KSR2: variants seen among roughly 807,000 people sequenced by gnomAD.
KSR2 encodes kinase suppressor of ras 2.
Under a neutral mutation model 107.8 loss-of-function variants are expected in KSR2, and 25 were observed. The observed-to-expected ratio is 0.23, with a 90% CI of 0.17 to 0.32. The LOEUF (loss-of-function observed/expected upper bound fraction) is 0.32, where lower values mean the gene tolerates loss of function less well. Among genes scored for constraint, KSR2 ranks in the 10% least tolerant of loss-of-function variants. The pLI is 1.00. For synonymous variants in KSR2, 480 were observed against 507.0 expected (o/e 0.95, Z 0.71); for missense variants, 887 against 1,268.9 (o/e 0.70, Z 4.57).
At chr12:117,673,795 C>T (rs1481801454) in intron 4 of KSR2, among the ~76,000 whole-genome samples, 2 of 152,174 alleles carry the variant, frequency 1.3e-5, no homozygotes, top group African/African-American at 4.8e-5. Context: ...AACATTCTTT[C>T]CCGTGATCTT....
intron 3 of KSR2, among the ~76,000 whole-genome samples, chr12:117,791,193 G>A (rs1233114788): frequency 3.9e-5 from 6 of 151,982 alleles, no homozygotes; most frequent in Admixed American, 6.5e-5. Context: ...TCACCCCAGG[G>A]CCTTGTCACT....
At chr12:117,633,985 G>A (rs778794441) in intron 5 of KSR2, among the ~76,000 whole-genome samples, 8 of 152,126 alleles carry the variant, frequency 5.3e-5, no homozygotes, top group Non-Finnish European at 1.0e-4. Context: ...CATAATTTTG[G>A]AACTATCTGG....
At chr12:117,809,462 G>A (rs1423253468) in intron 3 of KSR2, among the ~76,000 whole-genome samples, 3 of 152,152 alleles carry the variant, frequency 2.0e-5, no homozygotes, top group Admixed American at 6.5e-5. Flanking sequence ...ATGTCCACGG[G>A]AGCAGAAGAG....
chr12:117,816,279 A>C (rs1891366391), intron 3 of KSR2, among the ~76,000 whole-genome samples: 1 of 152,152 alleles, frequency 6.6e-6, no homozygotes, highest in Non-Finnish European at 1.5e-5. Flanking sequence ...AGCCACCTGG[A>C]GTTCTGCAGA....
rs144760574 is a variant in KSR2, at chr12:117,802,329, C to T, written c.473-40805G>A. 5.3e-3 allele frequency among the ~76,000 whole-genome samples: 806 copies of T among 152,190 alleles called. 8 individuals carry two copies. Among genetic ancestry groups the T allele is most frequent in the African/African-American group, 0.018 (747 of 41,528 alleles). On this transcript the variant is annotated intron_variant, in intron 3 of 19. Transcript: ENST00000339824. ...AGGACCTCTGGGATGACTTTGAGCACGGCTAGATCATCCATGATAATCTCC... is the reference window on the plus strand; with the variant it reads ...AGGACCTCTGGGATGACTTTGAGCATGGCTAGATCATCCATGATAATCTCC...
At chr12:117,557,031 G>T (rs564601574) in intron 8 of KSR2, among the ~76,000 whole-genome samples, 1 of 152,250 alleles carries the variant, frequency 6.6e-6, no homozygotes, top group Admixed American at 6.5e-5. Flanking sequence ...TGGGTATGGT[G>T]GTGGGTGCCC....
chr12:117,731,475 G>A (rs903274921), intron 4 of KSR2, among the ~76,000 whole-genome samples: 6 of 146,868 alleles, frequency 4.1e-5, no homozygotes, highest in African/African-American at 1.0e-4. Context: ...GCCTCTGCCC[G>A]GCCGCCCCAT....
chr12:117,672,237 T>C (rs1884941904), intron 4 of KSR2, among the ~76,000 whole-genome samples: 1 of 152,224 alleles, frequency 6.6e-6, no homozygotes, highest in African/African-American at 2.4e-5. Flanking sequence ...CAAATGACTG[T>C]TCCTAATGAC....
intron 14 of KSR2, among the ~76,000 whole-genome samples, chr12:117,513,774 T>A (rs556415455): frequency 6.6e-6 from 1 of 152,308 alleles, no homozygotes; most frequent in South Asian, 2.1e-4. Flanking sequence ...TCAGTATGAA[T>A]CAGACAGTCT....
At chr12:117,484,007 A>G (rs1051995185) in intron 16 of KSR2, among the ~76,000 whole-genome samples, 3 of 152,218 alleles carry the variant, frequency 2.0e-5, no homozygotes, top group Non-Finnish European at 4.4e-5. Flanking sequence ...GGTGCCTCTG[A>G]CTTTAAATCT....
At chr12:117,634,063 T>C (rs894909687) in intron 5 of KSR2, among the ~76,000 whole-genome samples, 5 of 152,186 alleles carry the variant, frequency 3.3e-5, no homozygotes, top group South Asian at 2.1e-4. Context: ...CTGTCTTACA[T>C]ACCCAGAGCC....
intron 3 of KSR2, among the ~76,000 whole-genome samples, chr12:117,841,804 CT>C (rs1187713258): frequency 6.6e-6 from 1 of 152,348 alleles, no homozygotes; most frequent in East Asian, 1.9e-4. Context: ...AGGGCTCTAC[CT>C]TTCTGAGCCT....
intron 4 of KSR2, among the ~76,000 whole-genome samples, chr12:117,697,057 AT>A (rs1426073587): frequency 1.3e-5 from 2 of 152,176 alleles, no homozygotes; most frequent in Non-Finnish European, 2.9e-5. Flanking sequence ...GCCTTTAACC[AT>A]TTTGCGGACG....
At chr12:117,889,969 A>C (rs1280757288) in intron 1 of KSR2, among the ~76,000 whole-genome samples, 1 of 152,188 alleles carries the variant, frequency 6.6e-6, no homozygotes, top group African/African-American at 2.4e-5. Context: ...CTCAAACTTG[A>C]GCATGCATTA....
At chr12:117,947,236 AG>A (rs1566094666) in intron 1 of KSR2, among the ~76,000 whole-genome samples, 13 of 121,516 alleles carry the variant, frequency 1.1e-4, no homozygotes, top group Non-Finnish European at 1.7e-5. Context: ...AAAGAAAGAA[AG>A]AAAGAAAGAA....
At chr12:117,772,344 T>C (rs1408422049) in intron 3 of KSR2, among the ~76,000 whole-genome samples, 2 of 111,356 alleles carry the variant, frequency 1.8e-5, no homozygotes, top group Non-Finnish European at 3.5e-5. Context: ...ATACACACCA[T>C]TCCCCCAAAG....
At chr12:117,787,409 G>A (rs968523572) in intron 3 of KSR2, among the ~76,000 whole-genome samples, 2 of 152,156 alleles carry the variant, frequency 1.3e-5, no homozygotes, top group Non-Finnish European at 2.9e-5. Flanking sequence ...ACGGCGGGCG[G>A]ATCATCTGAC....
chr12:117,545,630 C>A (rs991883626), intron 9 of KSR2, among the ~76,000 whole-genome samples: 3 of 152,176 alleles, frequency 2.0e-5, no homozygotes, highest in African/African-American at 4.8e-5. Context: ...TAGTGATGTC[C>A]CATCCCATTC....
Position 117,525,162 on chromosome 12 carries a change from G to T in KSR2, c.1909C>A (p.Leu637Met). The T allele has an allele frequency of 6.2e-7, 1 of 1,613,916 alleles. No homozygotes were observed. Among genetic ancestry groups the T allele is most frequent in the Non-Finnish European group, 8.5e-7 (1 of 1,179,842 alleles). The change falls in exon 14 of 20, where the codon CTG (leucine) becomes ATG (methionine). Residue 637 changes from leucine to methionine, a missense_variant. Leu to Met is a conservative substitution (Grantham distance 15). Coordinates refer to ENST00000339824, the MANE Select transcript of KSR2 (RefSeq NM_173598.6). ...ESEDDFEEMN[L>M]SLLSARSFPR... ...AAGCTCCGGGCCGAGAGGAGGGACA[G>T]GTTCATCTCCTCGAAGTCATCCTCT...
Sources: gnomAD v4.1 joint callset for allele counts (sites outside exome capture counted in the v4.1 genomes callset) on GRCh38, gnomAD v4.1.1 for gene constraint, MANE v1.5 for transcripts, NCBI Gene and HGNC (gene_info 2026-07-23, HGNC 2026-07-21) for gene names.